The following VTI1A variants were observed in gnomAD, a reference collection of about 807,000 sequenced individuals.
The protein encoded by VTI1A is vesicle transport through interaction with t-SNAREs homolog 1A.
In VTI1A, 22 loss-of-function variants were observed where a neutral mutation model predicts 34.9. The ratio of observed to expected loss-of-function variants is 0.63; its 90% CI spans 0.45 to 0.90. VTI1A has a LOEUF of 0.90. Among genes scored for constraint, VTI1A ranks in the 40% least tolerant of loss-of-function variants. The probability of loss-of-function intolerance (pLI) is 0.00; values close to 1 mark genes in which losing one functional copy is unlikely to be tolerated. For missense variants in VTI1A, 268 were observed against 275.6 expected (o/e 0.97, Z 0.20); for synonymous variants, 87 against 97.3 (o/e 0.89, Z 0.62).
At chr10:112,852,352 G>T in the VTI1A span, among the ~76,000 whole-genome samples, 1 of 152,158 alleles carries the variant, frequency 6.6e-6, no homozygotes, top group East Asian at 1.9e-4. Flanking sequence ...CGTTGAGAAA[G>T]CCACAGGCCC....
intron 7 of VTI1A, among the ~76,000 whole-genome samples, chr10:112,698,355 C>G (rs914326725): frequency 9.2e-5 from 14 of 152,172 alleles, no homozygotes; most frequent in African/African-American, 3.4e-4. Context: ...CCCCTCATTT[C>G]TCACTGTTGC....
rs929802639 is a variant in VTI1A at position 112,497,317 on chromosome 10, C to CA, written c.265-29757dup. ...TGGGTGACAGAGCTAGACTCCGTCTCAAAAAAAAAAAAATAATAATAATAA... is the reference window on the plus strand; with the variant it reads ...TGGGTGACAGAGCTAGACTCCGTCTCAAAAAAAAAAAAAATAATAATAATAA... On this transcript the variant is annotated intron_variant, in intron 3 of 7. Coordinates refer to ENST00000393077, the MANE Select transcript of VTI1A (RefSeq NM_145206.4). Among the ~76,000 whole-genome samples the CA allele has an allele frequency of 7.8e-3, 1,069 of 137,850 alleles. 8 individuals are homozygous for CA. The highest frequency in any genetic ancestry group is 0.025 in the African/African-American group (925 of 37,276). The allele number at this position is 137,850 out of a possible 152,430, so 90.4% of individuals were successfully genotyped here. A position where few individuals can be genotyped will look rare whatever the true frequency, so the allele number is the denominator to read the frequency against.
At chr10:112,484,291 A>T (rs370142331) in intron 3 of VTI1A, among the ~76,000 whole-genome samples, 16 of 152,250 alleles carry the variant, frequency 1.1e-4, no homozygotes, top group East Asian at 3.8e-4. Flanking sequence ...TTGTTTAATG[A>T]TGCTGAAAAT....
At chr10:112,667,480 A>G (rs949863104) in intron 5 of VTI1A, among the ~76,000 whole-genome samples, 1 of 152,218 alleles carries the variant, frequency 6.6e-6, no homozygotes, top group African/African-American at 2.4e-5. Flanking sequence ...TAAGATGATC[A>G]TGGCAAGAGA....
intron 5 of VTI1A, among the ~76,000 whole-genome samples, chr10:112,658,780 G>T (rs1481106757): frequency 3.3e-5 from 5 of 152,176 alleles, no homozygotes; most frequent in Admixed American, 2.6e-4. Context: ...TGGGAATGGG[G>T]ACTCACTGTT....
intron 5 of VTI1A, among the ~76,000 whole-genome samples, chr10:112,592,223 G>A (rs2134436815): frequency 6.6e-6 from 1 of 152,318 alleles, no homozygotes; most frequent in South Asian, 2.1e-4. Context: ...TTGGCCTTGT[G>A]AGACCCAGAG....
At chr10:112,801,782 C>A (rs1230830659) in intron 7 of VTI1A, among the ~76,000 whole-genome samples, 2 of 152,210 alleles carry the variant, frequency 1.3e-5, no homozygotes, top group African/African-American at 4.8e-5. Context: ...ATAAATTGAG[C>A]CCCTTAAAAG....
intron 7 of VTI1A, among the ~76,000 whole-genome samples, chr10:112,791,068 A>G (rs770419863): frequency 6.6e-6 from 1 of 152,168 alleles, no homozygotes; most frequent in Non-Finnish European, 1.5e-5. Context: ...TGTAACTGCC[A>G]GGATCCCGTC....
intron 5 of VTI1A, among the ~76,000 whole-genome samples, chr10:112,601,375 T>C (rs893053592): frequency 6.6e-6 from 1 of 152,062 alleles, no homozygotes; most frequent in Non-Finnish European, 1.5e-5. Context: ...TAAACAATTT[T>C]GCTAATATTA....
intron 7 of VTI1A, among the ~76,000 whole-genome samples, chr10:112,676,329 A>G (rs1231166924): frequency 6.6e-6 from 1 of 152,002 alleles, no homozygotes; most frequent in Non-Finnish European, 1.5e-5. Flanking sequence ...TCTGAGTACT[A>G]CCTGGAGCAA....
intron 5 of VTI1A, among the ~76,000 whole-genome samples, chr10:112,558,820 G>A (rs1007789879): frequency 2.6e-5 from 4 of 152,196 alleles, no homozygotes; most frequent in African/African-American, 7.2e-5. Flanking sequence ...GCATCCCTAC[G>A]GTTGTCACCA....
At chr10:112,731,546 G>C (rs991095100) in intron 7 of VTI1A, among the ~76,000 whole-genome samples, 1 of 148,244 alleles carries the variant, frequency 6.7e-6, no homozygotes, top group African/African-American at 2.5e-5. Flanking sequence ...CTACACTCCA[G>C]CCTGGGCAAC....
intron 3 of VTI1A, among the ~76,000 whole-genome samples, chr10:112,521,618 C>A (rs1850031965): frequency 6.6e-6 from 1 of 151,966 alleles, no homozygotes; most frequent in African/African-American, 2.4e-5. Context: ...CTTAATTTGA[C>A]CAAGATCACA....
intron 2 of VTI1A, among the ~76,000 whole-genome samples, chr10:112,461,872 A>G (rs1847738574): frequency 6.6e-6 from 1 of 152,132 alleles, no homozygotes. Context: ...GCAATACCAC[A>G]CTTGGCTACT....
intron 5 of VTI1A, among the ~76,000 whole-genome samples, chr10:112,565,274 A>G (rs1270658364): frequency 6.6e-6 from 1 of 152,126 alleles, no homozygotes; most frequent in East Asian, 1.9e-4. Context: ...TTTTAAAGAG[A>G]TTACCAACCA....
At chr10:112,713,771 A>C (rs921177312) in intron 7 of VTI1A, among the ~76,000 whole-genome samples, 2 of 152,236 alleles carry the variant, frequency 1.3e-5, no homozygotes, top group Admixed American at 1.3e-4. Context: ...CTTAAGAATC[A>C]AGTTTTTAAG....
In VTI1A at chr10:112,815,491, C is replaced by G; in HGVS notation, c.*108C>G. ...GCGCTGACAGGCCCCAGGTGACCCT[C>G]TCTCTCCCTCACCGCCGTTGGGCTG... is the stretch of plus-strand genomic sequence containing the variant. On this transcript the variant is annotated 3_prime_UTR_variant, in exon 8 of 8. Transcript: ENST00000393077. The G allele has an allele frequency of 4.3e-6, 4 of 924,306 alleles. No homozygotes were observed. The highest frequency in any genetic ancestry group is 6.9e-6 in the Non-Finnish European group (4 of 575,610). The allele number at this position is 924,306 out of a possible 1,614,324, so 57.3% of individuals were successfully genotyped here. A position where few individuals can be genotyped will look rare whatever the true frequency, so the allele number is the denominator to read the frequency against.
At chr10:112,596,394 A>T (rs1844647040) in intron 5 of VTI1A, among the ~76,000 whole-genome samples, 1 of 152,144 alleles carries the variant, frequency 6.6e-6, no homozygotes, top group South Asian at 2.1e-4. Flanking sequence ...AAAAACATTA[A>T]CGGCTGTCTA....
chr10:112,645,094 C>T (rs1846722135), intron 5 of VTI1A, among the ~76,000 whole-genome samples: 1 of 152,150 alleles, frequency 6.6e-6, no homozygotes, highest in Non-Finnish European at 1.5e-5. Context: ...TTCAAAGAGC[C>T]ATTGTAGCTC....
Sources: allele counts gnomAD v4.1 joint callset (sites outside exome capture counted in the v4.1 genomes callset), GRCh38; gene constraint gnomAD v4.1.1; transcripts MANE v1.5; gene names NCBI Gene and HGNC (gene_info 2026-07-23, HGNC 2026-07-21).